The following MACROD2 variants were observed in gnomAD, a reference collection of about 807,000 sequenced individuals.
MACROD2 encodes the protein mono-ADP ribosylhydrolase 2.
A neutral mutation model predicts 70.4 loss-of-function variants in MACROD2; 36 were observed. That is an observed-to-expected ratio of 0.51 (90% CI 0.39 to 0.68). The LOEUF (loss-of-function observed/expected upper bound fraction) is 0.68. Ranked by LOEUF, MACROD2 falls within the 30% of genes least tolerant of loss-of-function variation. MACROD2 has a pLI of 0.00. For missense variants in MACROD2, 496 were observed against 538.4 expected (o/e 0.92, Z 0.78); for synonymous variants, 172 against 178.8 (o/e 0.96, Z 0.30).
intron 8 of MACROD2, among the ~76,000 whole-genome samples, chr20:15,801,095 G>C (rs1406645081): frequency 6.8e-6 from 1 of 147,220 alleles, no homozygotes; most frequent in African/African-American, 2.5e-5. Context: ...AGAGACCTTT[G>C]TTCACTTGTT....
intron 15 of MACROD2, among the ~76,000 whole-genome samples, chr20:15,997,733 A>T (rs562361222): frequency 6.6e-6 from 1 of 152,140 alleles, no homozygotes; most frequent in South Asian, 2.1e-4. Flanking sequence ...TATGTTGCAT[A>T]GAAGTGGTGA....
chr20:15,570,720 T>G lies in MACROD2; in HGVS notation c.645+70873T>G, dbSNP rs375906183. Among the ~76,000 whole-genome samples, 200 of 152,260 alleles carry G rather than the reference T, an allele frequency of 1.3e-3. 1 individual carries two copies. The highest frequency in any genetic ancestry group is 0.01 in the Middle Eastern group (3 of 294). On this transcript the variant is annotated intron_variant, in intron 8 of 17. Coordinates refer to ENST00000684519, the MANE Select transcript of MACROD2 (RefSeq NM_001351661.2). ...GTTCATTCAAGTTTAGCAAAAGAAGTATTAGAATCCTTTCTTGCATCCTCA... is the reference window on the plus strand; with the variant it reads ...GTTCATTCAAGTTTAGCAAAAGAAGGATTAGAATCCTTTCTTGCATCCTCA...
At chr20:15,281,625 G>T (rs1393443090) in intron 6 of MACROD2, among the ~76,000 whole-genome samples, 2 of 152,164 alleles carry the variant, frequency 1.3e-5, no homozygotes, top group Non-Finnish European at 2.9e-5. Context: ...CAAGAGGTGG[G>T]CTCCCAAGGC....
chr20:14,743,767 A>G (rs1191925948), intron 5 of MACROD2, among the ~76,000 whole-genome samples: 4 of 152,320 alleles, frequency 2.6e-5, no homozygotes, highest in African/African-American at 9.6e-5. Context: ...GTTTCCTTAA[A>G]TGGCAAAATG....
intron 5 of MACROD2, among the ~76,000 whole-genome samples, chr20:15,113,828 T>A (rs140172570): frequency 1.3e-5 from 2 of 151,920 alleles, no homozygotes; most frequent in African/African-American, 4.8e-5. Flanking sequence ...CTGTTCTTTT[T>A]ATTTTTATGG....
At chr20:15,886,799 G>T (rs2064828029) in intron 10 of MACROD2, among the ~76,000 whole-genome samples, 1 of 152,008 alleles carries the variant, frequency 6.6e-6, no homozygotes, top group African/African-American at 2.4e-5. Context: ...TACAATTCTG[G>T]GGGCAATAAT....
At chr20:14,390,775 A>G (rs952947356) in intron 3 of MACROD2, among the ~76,000 whole-genome samples, 2 of 152,250 alleles carry the variant, frequency 1.3e-5, no homozygotes, top group Non-Finnish European at 2.9e-5. Context: ...CAAATGTACA[A>G]GAAACAAACA....
At chr20:15,327,772 C>G (rs553439968) in intron 6 of MACROD2, among the ~76,000 whole-genome samples, 1 of 152,114 alleles carries the variant, frequency 6.6e-6, no homozygotes, top group African/African-American at 2.4e-5. Flanking sequence ...GGTAGTGTGT[C>G]CTGAACCCCA....
At chr20:15,940,924 G>A (rs978768015) in intron 12 of MACROD2, among the ~76,000 whole-genome samples, 3 of 152,168 alleles carry the variant, frequency 2.0e-5, no homozygotes, top group Non-Finnish European at 4.4e-5. Flanking sequence ...ATGAAGTTGA[G>A]TGGCAGAGTT....
At chr20:15,872,033 T>C (rs2064592481) in intron 9 of MACROD2, among the ~76,000 whole-genome samples, 1 of 152,142 alleles carries the variant, frequency 6.6e-6, no homozygotes, top group Non-Finnish European at 1.5e-5. Flanking sequence ...CATAGTTGGG[T>C]ATGTCTGAGC....
At chr20:15,683,833 GCC>G in intron 8 of MACROD2, among the ~76,000 whole-genome samples, 2 of 152,134 alleles carry the variant, frequency 1.3e-5, no homozygotes, top group Non-Finnish European at 2.9e-5. Context: ...ACCCGCCTCG[GCC>G]TCCCAAGGTG....
intron 5 of MACROD2, among the ~76,000 whole-genome samples, chr20:14,770,978 T>C (rs573113351): frequency 6.6e-6 from 1 of 152,226 alleles, no homozygotes; most frequent in East Asian, 1.9e-4. Flanking sequence ...TTTGGTTAAA[T>C]GTTAACTCTT....
At chr20:14,827,434 G>A (rs188632218) in intron 5 of MACROD2, among the ~76,000 whole-genome samples, 109 of 152,162 alleles carry the variant, frequency 7.2e-4, no homozygotes, top group African/African-American at 2.6e-3. Context: ...CATATGGCAT[G>A]GATGCTTTGT....
chr20:15,330,044 T>C (rs2077975546), intron 6 of MACROD2, among the ~76,000 whole-genome samples: 1 of 152,016 alleles, frequency 6.6e-6, no homozygotes, highest in South Asian at 2.1e-4. Flanking sequence ...TTCCCCGAGT[T>C]TATCACCTCC....
intron 3 of MACROD2, among the ~76,000 whole-genome samples, chr20:14,087,067 G>A (rs150240748): frequency 3.2e-3 from 488 of 152,270 alleles, no homozygotes; most frequent in East Asian, 0.011. Flanking sequence ...AGAAAGTTCA[G>A]AATACCGGTC....
chr20:14,719,473 G>GAAAAAAAAAA (rs11087105), intron 5 of MACROD2, among the ~76,000 whole-genome samples: 4 of 136,310 alleles, frequency 2.9e-5, no homozygotes, highest in African/African-American at 5.4e-5. Context: ...AAGATAGAAA[G>GAAAAAAAAAA]AAAAAAAAAA....
At chr20:14,093,295 T>A (rs1005033016) in intron 3 of MACROD2, among the ~76,000 whole-genome samples, 2 of 151,896 alleles carry the variant, frequency 1.3e-5, no homozygotes, top group African/African-American at 4.8e-5. Flanking sequence ...CTATGTTTCC[T>A]AGGGTGGTCT....
rs1210546144 is a variant in MACROD2 at position 14,824,616 on chromosome 20, C to T, written c.418+139657C>T. 4.6e-5 allele frequency among the ~76,000 whole-genome samples: 7 copies of T among 152,180 alleles called. No homozygotes were observed. The South Asian group carries it at 1.5e-3, about 32-fold the overall frequency. On this transcript the variant is annotated intron_variant, in intron 5 of 17. Coordinates refer to ENST00000684519, the MANE Select transcript of MACROD2 (RefSeq NM_001351661.2). Reference sequence around the variant, plus strand: ...CTCCACATGACTAGGCTGAGCTTTTCACAGAATGGCAGCTGATTTCAAAGA... The same window carrying T: ...CTCCACATGACTAGGCTGAGCTTTTTACAGAATGGCAGCTGATTTCAAAGA...
At chr20:15,384,431 G>C (rs2045685209) in intron 6 of MACROD2, among the ~76,000 whole-genome samples, 1 of 151,964 alleles carries the variant, frequency 6.6e-6, no homozygotes, top group African/African-American at 2.4e-5. Flanking sequence ...TGGCTAATTA[G>C]TTTTGTATTT....
Sources: gnomAD v4.1 joint callset for allele counts (sites outside exome capture counted in the v4.1 genomes callset) on GRCh38, gnomAD v4.1.1 for gene constraint, MANE v1.5 for transcripts, NCBI Gene and HGNC (gene_info 2026-07-23, HGNC 2026-07-21) for gene names.